The following PDE1C variants were observed in gnomAD, a reference collection of about 807,000 sequenced individuals.
PDE1C encodes the protein dual specificity calcium/calmodulin-dependent 3',5'-cyclic nucleotide phosphodiesterase 1C.
A neutral mutation model predicts 93.1 loss-of-function variants in PDE1C; 62 were observed. That is an observed-to-expected ratio of 0.67 (90% CI 0.54 to 0.82). The LOEUF (loss-of-function observed/expected upper bound fraction) is 0.82, where lower values mean the gene tolerates loss of function less well. Among genes scored for constraint, PDE1C ranks in the 40% least tolerant of loss-of-function variants. PDE1C has a pLI of 0.00. For synonymous variants in PDE1C, 325 were observed against 310.1 expected (o/e 1.05, Z -0.50); for missense variants, 742 against 884.6 (o/e 0.84, Z 2.04).
chr7:32,307,169 C>A (rs1170764233), intron 1 of PDE1C, among the ~76,000 whole-genome samples: 1 of 152,082 alleles, frequency 6.6e-6, no homozygotes, highest in Non-Finnish European at 1.5e-5. Context: ...CCTAACACCA[C>A]AATAAAGATT....
At chr7:32,118,529 A>G (rs1333044385) in intron 3 of PDE1C, among the ~76,000 whole-genome samples, 1 of 152,330 alleles carries the variant, frequency 6.6e-6, no homozygotes, top group East Asian at 1.9e-4. Context: ...CTACAATAGA[A>G]TTACCAAAGA....
intron 16 of PDE1C, among the ~76,000 whole-genome samples, chr7:31,794,061 C>CAGAT (rs1562807734): frequency 5.1e-5 from 7 of 137,066 alleles, no homozygotes; most frequent in South Asian, 2.4e-4. Context: ...GACAGACAGA[C>CAGAT]AGACAGACAG....
intron 17 of PDE1C, among the ~76,000 whole-genome samples, chr7:31,770,683 G>C (rs752064585): frequency 6.6e-6 from 1 of 151,902 alleles, no homozygotes; most frequent in Non-Finnish European, 1.5e-5. Context: ...GCTAATTTTT[G>C]TATTTTAGTA....
intron 3 of PDE1C, among the ~76,000 whole-genome samples, chr7:32,144,621 T>G (rs1349099779): frequency 1.3e-5 from 2 of 152,190 alleles, no homozygotes; most frequent in East Asian, 3.8e-4. Flanking sequence ...GAAAGATGCA[T>G]GCTGAGTAGG....
intron 1 of PDE1C, among the ~76,000 whole-genome samples, chr7:32,222,048 C>G (rs1422365168): frequency 2.0e-5 from 3 of 152,100 alleles, no homozygotes; most frequent in Admixed American, 1.3e-4. Context: ...CTTACAGCCA[C>G]AACTTCACTT....
chr7:31,676,528 A>G, the PDE1C span, among the ~76,000 whole-genome samples: 2 of 152,204 alleles, frequency 1.3e-5, no homozygotes, highest in Non-Finnish European at 2.9e-5. Context: ...ATTGCATATC[A>G]GATGTATAGT....
intron 2 of PDE1C, among the ~76,000 whole-genome samples, chr7:31,963,259 G>A (rs1809309393): frequency 6.6e-6 from 1 of 151,826 alleles, no homozygotes; most frequent in African/African-American, 2.4e-5. Context: ...AAAAAAGGTG[G>A]GAAATTCATT....
At chr7:31,801,717 T>C (rs1786072608) in intron 16 of PDE1C, among the ~76,000 whole-genome samples, 1 of 151,572 alleles carries the variant, frequency 6.6e-6, no homozygotes, top group African/African-American at 2.4e-5. Flanking sequence ...ATTATCATTA[T>C]GAAATGAACT....
intron 2 of PDE1C, among the ~76,000 whole-genome samples, chr7:32,202,744 G>C (rs1024281227): frequency 6.6e-6 from 1 of 152,106 alleles, no homozygotes; most frequent in South Asian, 2.1e-4. Flanking sequence ...GCTTCGAGAG[G>C]ATGATTATAA....
intron 2 of PDE1C, among the ~76,000 whole-genome samples, chr7:31,933,343 A>C (rs997228082): frequency 5.9e-5 from 9 of 152,218 alleles, no homozygotes; most frequent in Non-Finnish European, 1.3e-4. Flanking sequence ...ACCAGGGTAA[A>C]CACCTAAGTA....
upstream of PDE1C, chr7:32,071,546 T>G: frequency 9.9e-6 from 4 of 405,910 alleles, no homozygotes; most frequent in South Asian, 1.1e-4. Context: ...GGAGAAAATA[T>G]ACCAATAGTG....
At chr7:32,103,185 A>G (rs994641233) in intron 3 of PDE1C, among the ~76,000 whole-genome samples, 10 of 152,228 alleles carry the variant, frequency 6.6e-5, no homozygotes, top group African/African-American at 2.4e-4. Context: ...AAGACATTAG[A>G]GAGTGAGAAA....
intron 15 of PDE1C, among the ~76,000 whole-genome samples, chr7:31,811,772 T>G (rs1445140716): frequency 1.3e-5 from 2 of 152,068 alleles, no homozygotes; most frequent in Non-Finnish European, 2.9e-5. Context: ...TGATGGTTCC[T>G]GTTCTCAGCC....
intron 6 of PDE1C, among the ~76,000 whole-genome samples, chr7:31,869,477 A>C (rs1248559083): frequency 6.6e-6 from 1 of 152,116 alleles, no homozygotes; most frequent in Non-Finnish European, 1.5e-5. Context: ...AGCTATACTT[A>C]TATCAGATAA....
intron 1 of PDE1C, among the ~76,000 whole-genome samples, chr7:32,387,476 T>C (rs9770809): frequency 8.9e-5 from 13 of 146,208 alleles, no homozygotes; most frequent in African/African-American, 2.8e-4. Flanking sequence ...CCTCACCTCC[T>C]GGATAGGGCG....
At chr7:32,123,418 A>AC (rs1554508622) in intron 3 of PDE1C, among the ~76,000 whole-genome samples, 1 of 152,048 alleles carries the variant, frequency 6.6e-6, no homozygotes, top group Admixed American at 6.6e-5. Flanking sequence ...ACAAAAAAAA[A>AC]CTTCAGACCA....
chr7:32,224,720 G>C (rs1807127646), intron 1 of PDE1C, among the ~76,000 whole-genome samples: 1 of 152,194 alleles, frequency 6.6e-6, no homozygotes, highest in Admixed American at 6.5e-5. Flanking sequence ...ATCTACTGCA[G>C]AAATGGGTAA....
the PDE1C span, chr7:31,650,996 C>A: frequency 2.6e-6 from 2 of 759,608 alleles, no homozygotes; most frequent in South Asian, 2.2e-5. Flanking sequence ...AAATATTGGG[C>A]TCTTCCTATT....
the PDE1C span, among the ~76,000 whole-genome samples, chr7:31,668,987 G>A: frequency 6.7e-6 from 1 of 150,362 alleles, no homozygotes; most frequent in Non-Finnish European, 1.5e-5. Context: ...GCTGAAGTTA[G>A]TTGAGGAAGG....
Sources: allele counts gnomAD v4.1 joint callset (sites outside exome capture counted in the v4.1 genomes callset), GRCh38; gene constraint gnomAD v4.1.1; transcripts MANE v1.5; gene names NCBI Gene and HGNC (gene_info 2026-07-23, HGNC 2026-07-21).